The following GPC5 variants were observed in gnomAD, a reference collection of about 807,000 sequenced individuals.
GPC5 encodes glypican-5.
In GPC5, 47 loss-of-function variants were observed where a neutral mutation model predicts 53.9. That is an observed-to-expected ratio of 0.87 (90% confidence interval 0.69 to 1.11). GPC5 has a LOEUF of 1.11. GPC5 is among the 50% of genes most tolerant of loss of function. The pLI is 0.00. For missense variants in GPC5, 748 were observed against 713.1 expected, an observed-to-expected ratio of 1.05 and a Z score of -0.56; for synonymous variants, 286 against 263.3, an observed-to-expected ratio of 1.09 and a Z score of -0.84.
intron 2 of GPC5, among the ~76,000 whole-genome samples, chr13:91,567,817 G>A (rs957278717): frequency 2.0e-5 from 3 of 152,076 alleles, no homozygotes; most frequent in African/African-American, 4.8e-5. Context: ...TCGGTTATAG[G>A]TGCTGATATG....
At chr13:91,617,887 T>C (rs1197494426) in intron 2 of GPC5, among the ~76,000 whole-genome samples, 2 of 152,154 alleles carry the variant, frequency 1.3e-5, no homozygotes, top group Non-Finnish European at 2.9e-5. Flanking sequence ...AAAGCAGCCA[T>C]AGACAATATA....
intron 2 of GPC5, among the ~76,000 whole-genome samples, chr13:91,663,926 CT>C (rs757734803): frequency 6.6e-6 from 1 of 152,140 alleles, no homozygotes; most frequent in Non-Finnish European, 1.5e-5. Context: ...ATCTTCTTGC[CT>C]CAGCCTCCTG....
chr13:92,324,235 A>G (rs1044429432), intron 7 of GPC5, among the ~76,000 whole-genome samples: 3 of 151,998 alleles, frequency 2.0e-5, no homozygotes, highest in Admixed American at 6.6e-5. Context: ...AAAATAATGA[A>G]AATTAATATG....
intron 7 of GPC5, among the ~76,000 whole-genome samples, chr13:92,420,310 A>G (rs1876500712): frequency 6.6e-6 from 1 of 152,064 alleles, no homozygotes; most frequent in African/African-American, 2.4e-5. Context: ...TTCTAAGAGA[A>G]TTTCTTACAG....
At chr13:92,253,839 G>T (rs947841772) in intron 7 of GPC5, among the ~76,000 whole-genome samples, 74 of 152,052 alleles carry the variant, frequency 4.9e-4, no homozygotes, top group African/African-American at 1.7e-3. Context: ...GAGAGACCAA[G>T]ATTAAAATAT....
At chr13:91,668,259 G>A (rs1432237921) in intron 2 of GPC5, among the ~76,000 whole-genome samples, 1 of 152,214 alleles carries the variant, frequency 6.6e-6, no homozygotes, top group African/African-American at 2.4e-5. Context: ...GCCACATCCA[G>A]CTGGGGCTTT....
intron 3 of GPC5, among the ~76,000 whole-genome samples, chr13:91,723,632 G>A (rs916110214): frequency 6.6e-6 from 1 of 151,752 alleles, no homozygotes; most frequent in Non-Finnish European, 1.5e-5. Flanking sequence ...TCAACCCCTA[G>A]TCAAATACCA....
rs142946509 is a variant in GPC5 at position 92,145,393 on chromosome 13, C to T, written c.1561+404C>T. ...ATAAGAAAGTTTTTACTTTATTGCACTTCTATCATAGTCAAATTGCATAGA... is the reference window on the plus strand; with the variant it reads ...ATAAGAAAGTTTTTACTTTATTGCATTTCTATCATAGTCAAATTGCATAGA... On this transcript the variant is annotated intron_variant, in intron 7 of 7. Coordinates refer to ENST00000377067, the MANE Select transcript of GPC5 (RefSeq NM_004466.6). Among the ~76,000 whole-genome samples the T allele has an allele frequency of 4.0e-3, 608 of 151,912 alleles. 5 individuals carry two copies. The highest frequency in any genetic ancestry group is 0.014 in the African/African-American group (580 of 41,448).
chr13:91,848,371 A>G (rs1054534280), intron 5 of GPC5, among the ~76,000 whole-genome samples: 2 of 152,252 alleles, frequency 1.3e-5, no homozygotes, highest in African/African-American at 4.8e-5. Context: ...AGTGGAAACT[A>G]GGAATTTAAA....
At chr13:92,251,667 A>C in intron 7 of GPC5, among the ~76,000 whole-genome samples, 1 of 152,132 alleles carries the variant, frequency 6.6e-6, no homozygotes, top group East Asian at 1.9e-4. Context: ...AGTGCCTAGC[A>C]CATACAAGAC....
intron 7 of GPC5, among the ~76,000 whole-genome samples, chr13:92,558,353 A>G (rs1882572492): frequency 6.6e-6 from 1 of 152,076 alleles, no homozygotes; most frequent in Admixed American, 6.6e-5. Flanking sequence ...AAACTAACAT[A>G]TGCAAGTGAC....
At chr13:91,761,714 C>T (rs940163891) in intron 5 of GPC5, among the ~76,000 whole-genome samples, 1 of 152,162 alleles carries the variant, frequency 6.6e-6, no homozygotes, top group African/African-American at 2.4e-5. Flanking sequence ...TCCGTGTCCT[C>T]TCTGGGCAGC....
chr13:92,132,721 G>A (rs4773667), intron 6 of GPC5, among the ~76,000 whole-genome samples: 49,509 of 151,922 alleles, frequency 0.33, 10,162 homozygotes, highest in South Asian at 0.58. Flanking sequence ...CCTCTGTAAA[G>A]ACCCTATTTC....
chr13:91,400,533 C>G (rs1290563945), intron 1 of GPC5, among the ~76,000 whole-genome samples: 1 of 152,154 alleles, frequency 6.6e-6, no homozygotes, highest in Non-Finnish European at 1.5e-5. Flanking sequence ...TTAGTGCATT[C>G]TTTTCATTAG....
At position 91,464,334 on chromosome 13, in the gene GPC5, A is replaced by G. The variant is rs144081558; in HGVS notation, c.325+15412A>G. Among the ~76,000 whole-genome samples the G allele has an allele frequency of 3.2e-3, 494 of 152,250 alleles. 2 individuals are homozygous for G. Among genetic ancestry groups the G allele is most frequent in the Non-Finnish European group, 5.7e-3 (385 of 67,998 alleles). On this transcript the variant is annotated intron_variant, in intron 2 of 7. Coordinates refer to ENST00000377067, the MANE Select transcript of GPC5 (RefSeq NM_004466.6). Reference sequence around the variant, plus strand: ...AGTTGGCAGTTTCTATTAAAATTAAACCTGCACTTATTGTATTGTCCAATA... The same window carrying G: ...AGTTGGCAGTTTCTATTAAAATTAAGCCTGCACTTATTGTATTGTCCAATA...
At chr13:91,909,974 G>A (rs1488056458) in intron 6 of GPC5, among the ~76,000 whole-genome samples, 1 of 152,070 alleles carries the variant, frequency 6.6e-6, no homozygotes, top group Non-Finnish European at 1.5e-5. Context: ...TGTGAAGATG[G>A]CCAATTATTC....
intron 6 of GPC5, among the ~76,000 whole-genome samples, chr13:92,083,165 ATGTGT>A (rs950297174): frequency 6.6e-6 from 1 of 152,170 alleles, no homozygotes; most frequent in Non-Finnish European, 1.5e-5. Context: ...TTATTAATGT[ATGTGT>A]TTATCCTGAG....
rs188630836 is a variant in GPC5, at chr13:91,476,292, C to A, written c.325+27370C>A. 5.0e-3 allele frequency among the ~76,000 whole-genome samples: 762 copies of A among 152,266 alleles called. 7 individuals are homozygous for A. The highest frequency in any genetic ancestry group is 0.017 in the Middle Eastern group (5 of 294). On this transcript the variant is annotated intron_variant, in intron 2 of 7. Coordinates refer to ENST00000377067, the MANE Select transcript of GPC5 (RefSeq NM_004466.6). ...ACCCCAAGTTTAAAACCCCAGTTGA[C>A]CTATCTTGTGCTGATAATCTTCGAA...
chr13:91,981,147 G>C (rs2040353986), intron 6 of GPC5, among the ~76,000 whole-genome samples: 1 of 152,088 alleles, frequency 6.6e-6, no homozygotes, highest in African/African-American at 2.4e-5. Flanking sequence ...GTTCATGTTT[G>C]GGAGATACTG....
Sources: gnomAD v4.1 joint callset for allele counts (sites outside exome capture counted in the v4.1 genomes callset) on GRCh38, gnomAD v4.1.1 for gene constraint, MANE v1.5 for transcripts, NCBI Gene and HGNC (gene_info 2026-07-23, HGNC 2026-07-21) for gene names.